CD46: variants seen among roughly 807,000 people sequenced by gnomAD.
CD46 encodes membrane cofactor protein.
A neutral mutation model predicts 53.3 loss-of-function variants in CD46; 30 were observed. The observed-to-expected ratio is 0.56, with a 90% CI of 0.42 to 0.76. The LOEUF is 0.76. CD46 is among the 30% of genes least tolerant of loss of function. The pLI, the probability that CD46 is intolerant of heterozygous loss-of-function variation, is 0.00. For missense variants in CD46, 409 were observed against 463.0 expected, an observed-to-expected ratio of 0.88 and a Z score of 1.07; for synonymous variants, 142 against 152.0, an observed-to-expected ratio of 0.93 and a Z score of 0.48.
chr1:207,753,689 A>AC lies in CD46; in HGVS notation c.97+1380_97+1381insC, dbSNP rs200605194. 3.2e-3 allele frequency among the ~76,000 whole-genome samples: 492 copies of AC among 152,228 alleles called. 3 individuals are homozygous for AC. The highest frequency in any genetic ancestry group is 0.011 in the African/African-American group (469 of 41,526). On this transcript the variant is annotated intron_variant, in intron 1 of 12. Transcript: ENST00000367042. ...CTGTCAAAACAAAACAAACAAACAA[A>AC]AAAAAAACCCGCTAAGAAATACATG...
chr1:207,764,099 T>C (rs1195837377), intron 5 of CD46, among the ~76,000 whole-genome samples: 1 of 152,194 alleles, frequency 6.6e-6, no homozygotes, highest in Non-Finnish European at 1.5e-5. Context: ...CAGGCACCAG[T>C]TGATCTTTAG....
chr1:207,767,917 A>G (rs1429896440), intron 7 of CD46, 94 bp downstream of exon 7: 10 of 1,000,972 alleles, frequency 1.0e-5, no homozygotes, highest in Non-Finnish European at 1.6e-5. Context: ...ATGTTCACTT[A>G]TTTTTAGTAA....
intron 11 of CD46, chr1:207,786,054 G>A: frequency 4.9e-6 from 1 of 206,144 alleles, no homozygotes; most frequent in Non-Finnish European, 1.0e-5. Flanking sequence ...ATTTCACTGT[G>A]GAGACTTTGA....
chr1:207,785,575 T>A, intron 10 of CD46, 44 bp from the exon 11 acceptor site: 1 of 1,326,846 alleles, frequency 7.5e-7, no homozygotes, highest in South Asian at 1.2e-5. Context: ...TCTTGGTGAT[T>A]AGTTTTCAGA....
chr1:207,784,148 T>G (rs41317975), intron 9 of CD46, among the ~76,000 whole-genome samples: 6,454 of 152,202 alleles, frequency 0.042, 187 homozygotes, highest in Non-Finnish European at 0.067. Flanking sequence ...ATGTCTTAAT[T>G]TTGGGGCAGG....
intron 11 of CD46, among the ~76,000 whole-genome samples, chr1:207,789,270 C>T (rs934237796): frequency 6.6e-6 from 1 of 152,022 alleles, no homozygotes; most frequent in African/African-American, 2.4e-5. Flanking sequence ...AATAGTTTTT[C>T]CTTTTTTCCA....
chr1:207,761,290 C>CA lies in CD46; in HGVS notation c.518dup (p.His173GlnfsTer4). ...ACCTCCAAAAATAAAAAATGGAAAA[C>CA]ACACCTTTAGTGAAGTAGAAGTATT... On this transcript the variant is annotated frameshift_variant, in exon 5 of 13. Transcript: ENST00000367042. LOFTEE classifies it high-confidence loss of function. 6.2e-7 allele frequency: 1 copy of CA among 1,612,932 alleles called. No homozygotes were observed. Among genetic ancestry groups the CA allele is most frequent in the Non-Finnish European group, 8.5e-7 (1 of 1,179,018 alleles).
rs1660023232 is a variant in CD46, at chr1:207,793,883, T to C, written c.*406T>C. 5.6e-6 allele frequency: 2 copies of C among 354,884 alleles called. No individual in the cohort carries two copies. Among genetic ancestry groups the C allele is most frequent in the Non-Finnish European group, 1.0e-5 (2 of 192,518 alleles). 22.0% of individuals were successfully genotyped at this position (354,884 alleles called of 1,614,324 possible). Reference sequence around the variant, plus strand: ...GCTGTATTTTATAAAATTGGCAAAATTAGAGAAATATAGTTCACAATGAAA... The same window carrying C: ...GCTGTATTTTATAAAATTGGCAAAACTAGAGAAATATAGTTCACAATGAAA... On this transcript the variant is annotated 3_prime_UTR_variant, in exon 13 of 13. Coordinates refer to ENST00000367042, the MANE Select transcript of CD46 (RefSeq NM_172351.3).
At position 207,757,161 on chromosome 1, in the gene CD46, G is replaced by C; in HGVS notation, c.245G>C (p.Arg82Pro). The change falls in exon 2 of 13, where the codon CGG becomes CCG. Residue 82 changes from arginine (R) to proline (P), a missense_variant. Coordinates refer to ENST00000367042, the MANE Select transcript of CD46 (RefSeq NM_172351.3). ...CTTGCCACCCATACTATTTGTGATCGGAATCATACATGGCTACCTGTCTCA... is the reference window on the plus strand; with the variant it reads ...CTTGCCACCCATACTATTTGTGATCCGAATCATACATGGCTACCTGTCTCA... The part of the protein sequence containing the change: ...PPLATHTICD[R>P]NHTWLPVSDD... The C allele has an allele frequency of 6.2e-7, 1 of 1,613,810 alleles. No individual in the cohort carries two copies. The highest frequency in any genetic ancestry group is 8.5e-7 in the Non-Finnish European group (1 of 1,179,930).
At chr1:207,766,044 A>T (rs2102590309) in intron 5 of CD46, among the ~76,000 whole-genome samples, 1 of 152,362 alleles carries the variant, frequency 6.6e-6, no homozygotes, top group East Asian at 1.9e-4. Context: ...AATAAGCCAT[A>T]CTAAGAAGAC....
chr1:207,757,117 A>T lies in CD46; in HGVS notation c.201A>T (p.Gly67=). The T allele has an allele frequency of 6.2e-7, 1 of 1,613,878 alleles. No individual in the cohort carries two copies. The change falls in exon 2 of 13, where the codon GGA becomes GGT. Residue 67 remains glycine, a synonymous_variant. Coordinates refer to ENST00000367042, the MANE Select transcript of CD46 (RefSeq NM_172351.3). The stretch of plus-strand genomic sequence containing the variant: ...GAGTAGATTATAAGTGTAAAAAAGG[A>T]TACTTCTATATACCTCCTCTTGCCA... The part of the protein sequence containing the change: ...GERVDYKCKK[G]YFYIPPLATH...
At chr1:207,776,779 C>T (rs1052166151) in intron 8 of CD46, among the ~76,000 whole-genome samples, 7 of 151,976 alleles carry the variant, frequency 4.6e-5, no homozygotes, top group Non-Finnish European at 8.8e-5. Context: ...CAGGCACCTG[C>T]CACCACACCC....
chr1:207,774,538 G>T (rs998284900), intron 8 of CD46, among the ~76,000 whole-genome samples: 1 of 152,164 alleles, frequency 6.6e-6, no homozygotes, highest in African/African-American at 2.4e-5. Flanking sequence ...TCCTTTCCAT[G>T]TTTAGTGCTT....
intron 8 of CD46, among the ~76,000 whole-genome samples, chr1:207,775,471 A>G (rs1657993989): frequency 6.6e-6 from 1 of 151,692 alleles, no homozygotes; most frequent in African/African-American, 2.4e-5. Context: ...GTTTTTTGGA[A>G]TTTTCAGCTT....
intron 1 of CD46, among the ~76,000 whole-genome samples, chr1:207,756,494 C>T (rs531369873): frequency 6.6e-6 from 1 of 152,290 alleles, no homozygotes; most frequent in South Asian, 2.1e-4. Flanking sequence ...TAGAGTTTGT[C>T]AGTGTCAGCA....
chr1:207,765,022 G>GAA (rs1280093042), intron 5 of CD46, among the ~76,000 whole-genome samples: 1 of 150,316 alleles, frequency 6.7e-6, no homozygotes, highest in Non-Finnish European at 1.5e-5. Flanking sequence ...TATCCTTGAT[G>GAA]AACACAGGAC....
At chr1:207,761,696 A>G (rs1226334759) in intron 5 of CD46, among the ~76,000 whole-genome samples, 3 of 145,418 alleles carry the variant, frequency 2.1e-5, no homozygotes, top group African/African-American at 7.8e-5. Flanking sequence ...TGCATGAGTT[A>G]GAAGTTTTTG....
At position 207,752,216 on chromosome 1, in the gene CD46, G is replaced by A. The variant is rs781154282; in HGVS notation, c.4G>A (p.Glu2Lys). 1.2e-6 allele frequency: 2 copies of A among 1,613,836 alleles called. No homozygotes were observed. The highest frequency in any genetic ancestry group is 2.2e-5 in the South Asian group (2 of 91,092). The change falls in exon 1 of 13, where the codon GAG becomes AAG. Residue 2 changes from glutamate to lysine, a missense_variant. Coordinates refer to ENST00000367042, the MANE Select transcript of CD46 (RefSeq NM_172351.3). This position sits in a 1 kb window ranked among gnomAD's most constrained non-coding sequence, Gnocchi z 4.1. ...AACAGCGTCTTCCGCGCCGCGCATG[G>A]AGCCTCCCGGCCGCCGCGAGTGTCC... M[E>K]PPGRRECPFP...
At chr1:207,778,800 A>G (rs1658405569) in intron 8 of CD46, among the ~76,000 whole-genome samples, 1 of 152,162 alleles carries the variant, frequency 6.6e-6, no homozygotes, top group South Asian at 2.1e-4. Context: ...ATTTTAAAAT[A>G]GTTTTTTCTA....
Sources: gnomAD v4.1 joint callset for allele counts (sites outside exome capture counted in the v4.1 genomes callset) on GRCh38, gnomAD v4.1.1 for gene constraint, Gnocchi (gnomAD v3.1) non-coding constraint, MANE v1.5 for transcripts, NCBI Gene and HGNC (gene_info 2026-07-23, HGNC 2026-07-21) for gene names.